The following CENPO variants were observed in gnomAD, a reference collection of about 807,000 sequenced individuals.
The protein encoded by CENPO is centromeric protein O.
CENPO carries 30 observed loss-of-function variants against 36.1 expected under a neutral mutation model. That is an observed-to-expected ratio of 0.83 (90% CI 0.62 to 1.13). CENPO has a LOEUF of 1.13. CENPO is among the 50% of genes most tolerant of loss of function. The probability of loss-of-function intolerance (pLI) is 0.00; values close to 1 mark genes in which losing one functional copy is unlikely to be tolerated. For synonymous variants in CENPO, 171 were observed against 142.3 expected (o/e 1.20, Z -1.44); for missense variants, 349 against 357.8 (o/e 0.98, Z 0.20).
At chr2:24,799,102 C>G (rs1219081062) in intron 2 of CENPO, among the ~76,000 whole-genome samples, 1 of 146,148 alleles carries the variant, frequency 6.8e-6, no homozygotes, top group Non-Finnish European at 1.5e-5. Flanking sequence ...TGGATTCAAA[C>G]AATTCTGCCT....
intron 3 of CENPO, among the ~76,000 whole-genome samples, chr2:24,806,566 C>G (rs1237008077): frequency 6.6e-6 from 1 of 152,216 alleles, no homozygotes; most frequent in Admixed American, 6.5e-5. Flanking sequence ...TTTGTTACCT[C>G]AATCATATAC....
intron 2 of CENPO, among the ~76,000 whole-genome samples, chr2:24,795,536 A>G (rs746190390): frequency 1.3e-5 from 2 of 152,128 alleles, no homozygotes; most frequent in African/African-American, 2.4e-5. Context: ...CAGGTCGGTA[A>G]AGAAGCTGGG....
intron 1 of CENPO, 45 bp downstream of exon 1, chr2:24,793,546 C>T (rs747417007): frequency 2.0e-6 from 3 of 1,527,832 alleles, no homozygotes; most frequent in African/African-American, 1.4e-5. Context: ...ATTGTCGGAC[C>T]GGACCGTGGC....
Position 24,820,139 on chromosome 2 carries a change from C to A in CENPO, c.*821C>A. The stretch of plus-strand genomic sequence containing the variant: ...CCTGGAGAGGGAGGGGGAGCAAGAA[C>A]GTGGCGTTACGGGGGGAGCCTAGAC... On this transcript the variant is annotated 3_prime_UTR_variant, in exon 8 of 8. Transcript: ENST00000380834. The A allele has an allele frequency of 1.8e-6, 2 of 1,104,390 alleles. No homozygotes were observed. The highest frequency in any genetic ancestry group is 2.9e-5 in the Admixed American group (1 of 34,548). The allele number at this position is 1,104,390 out of a possible 1,614,324, so 68.4% of individuals were successfully genotyped here. A position where few individuals can be genotyped will look rare whatever the true frequency, so the allele number is the denominator to read the frequency against.
chr2:24,796,500 A>C lies in CENPO; in HGVS notation c.46+2535A>C, dbSNP rs926923817. On this transcript the variant is annotated intron_variant, in intron 2 of 7. Transcript: ENST00000380834. ...GAAAAGATAAGCAAATCAAATAATC[A>C]CACTAATGAATATACAATTAAAACT... Among the ~76,000 whole-genome samples the C allele has an allele frequency of 2.2e-4, 33 of 151,606 alleles. 1 individual carries two copies. Among genetic ancestry groups the C allele is most frequent in the Non-Finnish European group, 1.5e-4 (10 of 67,892 alleles).
chr2:24,821,854 G>C lies in CENPO; in HGVS notation c.*2536G>C, dbSNP rs1667773426. The C allele has an allele frequency of 1.7e-6, 1 of 596,196 alleles. No homozygotes were observed. The allele number at this position is 596,196 out of a possible 1,614,324, so 36.9% of individuals were successfully genotyped here. A position where few individuals can be genotyped will look rare whatever the true frequency, so the allele number is the denominator to read the frequency against. ...AGGTCTAGGCAAAGACTGGGCAATT[G>C]AGCAGAGGAGACGGACCTGTGAGTC... is the stretch of plus-strand genomic sequence containing the variant. On this transcript the variant is annotated 3_prime_UTR_variant, in exon 8 of 8. Coordinates refer to ENST00000380834, the MANE Select transcript of CENPO (RefSeq NM_001322101.2).
intron 7 of CENPO, among the ~76,000 whole-genome samples, chr2:24,818,317 G>C (rs115777501): frequency 1.3e-5 from 2 of 151,922 alleles, no homozygotes; most frequent in South Asian, 4.1e-4. Flanking sequence ...GAGAAACACT[G>C]ATCTAAATAA....
At position 24,819,820 on chromosome 2, in the gene CENPO, C is replaced by G. The variant is rs1667271955; in HGVS notation, c.*502C>G. ...GAACAAATGAAGGCTGAGGAGGTTT[C>G]TAAACCTAAAGTCCATGAGTGTGCA... is the stretch of plus-strand genomic sequence containing the variant. On this transcript the variant is annotated 3_prime_UTR_variant, in exon 8 of 8. Transcript: ENST00000380834. 8.3e-7 allele frequency: 1 copy of G among 1,198,202 alleles called. No individual in the cohort carries two copies. Among genetic ancestry groups the G allele is most frequent in the Admixed American group, 2.7e-5 (1 of 37,098 alleles). 74.2% of individuals were successfully genotyped at this position (1,198,202 alleles called of 1,614,324 possible).
Position 24,816,668 on chromosome 2 carries a change from C to G in CENPO, c.617C>G (p.Thr206Ser). The change falls in exon 6 of 8, where the codon ACT (threonine) becomes AGT (serine). Residue 206 changes from threonine (T) to serine (S), a missense_variant. Transcript: ENST00000380834. ...RLQSDFAALL[T>S]GPLQRNPLCN... ...TAGAGTGACTTTGCAGCCCTCCTGA[C>G]TGGGCCCTTGCAGAGAAACCCACTG... 1 of 1,610,626 alleles carries G rather than the reference C, an allele frequency of 6.2e-7. No individual in the cohort carries two copies. Among genetic ancestry groups the G allele is most frequent in the Non-Finnish European group, 8.5e-7 (1 of 1,178,464 alleles).
intron 3 of CENPO, among the ~76,000 whole-genome samples, chr2:24,806,629 G>A (rs1666419247): frequency 1.3e-5 from 2 of 152,164 alleles, no homozygotes; most frequent in Non-Finnish European, 2.9e-5. Flanking sequence ...TGCATATTCG[G>A]TTTAGTAAAT....
At chr2:24,809,706 GTATTTGGT>G (rs1558376949) in intron 3 of CENPO, among the ~76,000 whole-genome samples, 3 of 151,488 alleles carry the variant, frequency 2.0e-5, no homozygotes, top group Non-Finnish European at 4.4e-5. Context: ...AAAAATTTGA[GTATTTGGT>G]TTTTTTTTTA....
At chr2:24,809,555 T>A (rs1225329401) in intron 3 of CENPO, among the ~76,000 whole-genome samples, 1 of 152,098 alleles carries the variant, frequency 6.6e-6, no homozygotes, top group Non-Finnish European at 1.5e-5. Flanking sequence ...TTCTTTTTTG[T>A]TTTTTGTATT....
chr2:24,805,060 CTTCATTTCA>C (rs1186922435), intron 3 of CENPO, among the ~76,000 whole-genome samples: 11 of 152,168 alleles, frequency 7.2e-5, no homozygotes, highest in African/African-American at 2.7e-4. Context: ...TCTCTTCTTG[CTTCATTTCA>C]TTCATTTCAT....
At chr2:24,818,453 T>C (rs76544083) in intron 7 of CENPO, among the ~76,000 whole-genome samples, 5,294 of 147,980 alleles carry the variant, frequency 0.036, 262 homozygotes, top group African/African-American at 0.12. Flanking sequence ...TTTTCCTGTT[T>C]GAAACTTTTG....
chr2:24,800,344 A>ACTTT (rs1298661435), intron 3 of CENPO, among the ~76,000 whole-genome samples: 1 of 152,202 alleles, frequency 6.6e-6, no homozygotes, highest in Non-Finnish European at 1.5e-5. Context: ...TTTTTATTAT[A>ACTTT]CTTTAAGTTT....
intron 3 of CENPO, among the ~76,000 whole-genome samples, chr2:24,800,833 T>A (rs1266158606): frequency 6.6e-6 from 1 of 152,214 alleles, no homozygotes; most frequent in Non-Finnish European, 1.5e-5. Flanking sequence ...ATCCTTTGGA[T>A]ATATACCCAG....
chr2:24,801,110 C>A (rs944393653), intron 3 of CENPO, among the ~76,000 whole-genome samples: 10 of 152,318 alleles, frequency 6.6e-5, no homozygotes, highest in Non-Finnish European at 8.8e-5. Context: ...TGTCTTTTGG[C>A]TGCAGAAATG....
chr2:24,818,442 A>ATTT (rs539243274), intron 7 of CENPO, among the ~76,000 whole-genome samples: 80 of 151,804 alleles, frequency 5.3e-4, no homozygotes, highest in Non-Finnish European at 9.7e-4. Flanking sequence ...ATTTTTCCTC[A>ATTT]TTTTCCTGTT....
rs960163560 is a variant in CENPO at position 24,821,106 on chromosome 2, G to A, written c.*1788G>A. The A allele has an allele frequency of 2.8e-5, 14 of 495,354 alleles. No homozygotes were observed. Among genetic ancestry groups the A allele is most frequent in the African/African-American group, 2.7e-4 (14 of 51,028 alleles). The allele number at this position is 495,354 out of a possible 1,614,324, so 30.7% of individuals were successfully genotyped here. A position where few individuals can be genotyped will look rare whatever the true frequency, so the allele number is the denominator to read the frequency against. On this transcript the variant is annotated 3_prime_UTR_variant, in exon 8 of 8. Transcript: ENST00000380834. The stretch of plus-strand genomic sequence containing the variant: ...TAGTGGCCAGCTTCTAACACAGCTG[G>A]TATTTCAAGTCTCCTGGGACCTCAC...
Sources: allele counts gnomAD v4.1 joint callset (sites outside exome capture counted in the v4.1 genomes callset), GRCh38; gene constraint gnomAD v4.1.1; transcripts MANE v1.5; gene names NCBI Gene and HGNC (gene_info 2026-07-23, HGNC 2026-07-21).